The following TMEM196 variants were observed in gnomAD, a reference collection of about 807,000 sequenced individuals.
TMEM196 encodes transmembrane protein 196.
In TMEM196, 17 loss-of-function variants were observed where a neutral mutation model predicts 20.0. The observed-to-expected ratio is 0.85, with a 90% CI of 0.58 to 1.27. The LOEUF is 1.27. Among genes scored for constraint, TMEM196 ranks in the 50% most tolerant of loss-of-function variants. TMEM196 has a pLI of 0.00. For missense variants in TMEM196, 267 were observed against 223.0 expected (o/e 1.20, Z -1.26); for synonymous variants, 113 against 88.9 (o/e 1.27, Z -1.52).
chr7:19,765,358 A>C (rs1304086269), intron 1 of TMEM196, among the ~76,000 whole-genome samples: 1 of 152,186 alleles, frequency 6.6e-6, no homozygotes, highest in African/African-American at 2.4e-5. Context: ...TGGTACTAAT[A>C]AATCATGGAC....
intron 2 of TMEM196, among the ~76,000 whole-genome samples, chr7:19,728,632 C>T (rs775572129): frequency 1.3e-5 from 2 of 152,152 alleles, no homozygotes; most frequent in Non-Finnish European, 2.9e-5. Flanking sequence ...TCCTAGGGTC[C>T]CTGTGTAGTA....
intron 1 of TMEM196, among the ~76,000 whole-genome samples, chr7:19,754,527 C>A (rs558222444): frequency 6.6e-6 from 1 of 152,286 alleles, no homozygotes; most frequent in African/African-American, 2.4e-5. Flanking sequence ...TACAAGTAAT[C>A]TGAAAGCTTG....
chr7:19,752,696 C>T (rs187461732), intron 1 of TMEM196, among the ~76,000 whole-genome samples: 1 of 151,870 alleles, frequency 6.6e-6, no homozygotes, highest in Non-Finnish European at 1.5e-5. Context: ...CTTAGTGCAA[C>T]CTCCGCCTCC....
chr7:19,754,650 G>C (rs1156351531), intron 1 of TMEM196, among the ~76,000 whole-genome samples: 1 of 148,738 alleles, frequency 6.7e-6, no homozygotes, highest in Non-Finnish European at 1.5e-5. Flanking sequence ...TCGTGGCCAT[G>C]AACTATAAGA....
rs182423195 is a variant in TMEM196, at chr7:19,730,946, G to A, written c.148-1508C>T. On this transcript the variant is annotated intron_variant, in intron 1 of 4. Coordinates refer to ENST00000405844, the MANE Select transcript of TMEM196 (RefSeq NM_001363562.2). The stretch of plus-strand genomic sequence containing the variant: ...AATAGAGCTAGAATAATGTGTTAAC[G>A]TTCCCTAACATACACCAAAATTAAT... Among the ~76,000 whole-genome samples the A allele has an allele frequency of 1.7e-3, 253 of 152,160 alleles. 3 individuals are homozygous for A. Among genetic ancestry groups the A allele is most frequent in the African/African-American group, 5.8e-3 (239 of 41,514 alleles).
In TMEM196 at chr7:19,725,788, C is replaced by T. The variant is rs1161435195; in HGVS notation, c.205-20G>A. ...GATCATCTGATAAGAAAAAGAAAGG[C>T]AGCGTTAAAGTTGAAAAGGCAAACC... On this transcript the variant is annotated intron_variant, in intron 2 of 4. Coordinates refer to ENST00000405844, the MANE Select transcript of TMEM196 (RefSeq NM_001363562.2). The T allele has an allele frequency of 2.5e-6, 4 of 1,570,470 alleles. No individual in the cohort carries two copies. In the East Asian group the frequency reaches 6.8e-5, roughly 27 times the overall value.
intron 1 of TMEM196, among the ~76,000 whole-genome samples, chr7:19,757,922 A>G (rs1785280898): frequency 1.3e-5 from 2 of 151,608 alleles, no homozygotes; most frequent in Admixed American, 6.6e-5. Context: ...AAAGGCATTT[A>G]TCTTTTAAAA....
intron 1 of TMEM196, among the ~76,000 whole-genome samples, chr7:19,759,035 T>C (rs561578586): frequency 8.9e-4 from 135 of 152,330 alleles, no homozygotes; most frequent in African/African-American, 1.1e-3. Context: ...ATTATTCACA[T>C]TGGCATGTAA....
chr7:19,750,880 G>A (rs748105059), intron 1 of TMEM196, among the ~76,000 whole-genome samples: 3 of 152,072 alleles, frequency 2.0e-5, no homozygotes, highest in Non-Finnish European at 4.4e-5. Context: ...ATTCCCCAAC[G>A]CTATTTCCTT....
chr7:19,770,470 A>G (rs972472455), intron 1 of TMEM196, among the ~76,000 whole-genome samples: 1 of 152,210 alleles, frequency 6.6e-6, no homozygotes, highest in Non-Finnish European at 1.5e-5. Context: ...TCTGTCACCC[A>G]ATAAACACAA....
At chr7:19,736,402 A>ATATATAT (rs1784410728) in intron 1 of TMEM196, among the ~76,000 whole-genome samples, 9 of 78,328 alleles carry the variant, frequency 1.1e-4, no homozygotes, top group Non-Finnish European at 1.7e-4. Flanking sequence ...TATATATATA[A>ATATATAT]ATTATCTCTG....
intron 1 of TMEM196, among the ~76,000 whole-genome samples, chr7:19,752,908 G>A (rs961596200): frequency 6.6e-6 from 1 of 151,980 alleles, no homozygotes. Context: ...CCACCCGCCC[G>A]GCCTTTTTGT....
At chr7:19,764,008 A>G (rs1037187069) in intron 1 of TMEM196, among the ~76,000 whole-genome samples, 1 of 152,172 alleles carries the variant, frequency 6.6e-6, no homozygotes, top group East Asian at 1.9e-4. Context: ...GTATTATGCC[A>G]ATATCTCCAA....
chr7:19,746,909 T>G (rs1784775199), intron 1 of TMEM196, among the ~76,000 whole-genome samples: 1 of 152,188 alleles, frequency 6.6e-6, no homozygotes. Flanking sequence ...CGTATGAGAT[T>G]TTTTCATTTC....
intron 3 of TMEM196, 79 bp downstream of exon 3, chr7:19,725,435 A>T (rs905228515): frequency 6.1e-6 from 9 of 1,473,202 alleles, no homozygotes; most frequent in African/African-American, 1.4e-5. Context: ...TGTGATCTAA[A>T]GTTTCAAGTT....
At chr7:19,745,168 A>C (rs1282121882) in intron 1 of TMEM196, among the ~76,000 whole-genome samples, 1 of 152,192 alleles carries the variant, frequency 6.6e-6, no homozygotes, top group Non-Finnish European at 1.5e-5. Flanking sequence ...TATAAATGCT[A>C]CTATGTAAAT....
At chr7:19,740,643 T>A (rs1784551207) in intron 1 of TMEM196, among the ~76,000 whole-genome samples, 1 of 152,104 alleles carries the variant, frequency 6.6e-6, no homozygotes, top group Non-Finnish European at 1.5e-5. Context: ...AGAATGTGTA[T>A]TTGGAATGAG....
Position 19,724,369 on chromosome 7 carries a change from C to T in TMEM196, c.460-16G>A. ...CCCTCAATCTCTAATGTAAATATAACAATCATACAATAAATATTGCACAAA... is the reference window on the plus strand; with the variant it reads ...CCCTCAATCTCTAATGTAAATATAATAATCATACAATAAATATTGCACAAA... On this transcript the variant is annotated splice_polypyrimidine_tract_variant and intron_variant, in intron 3 of 4. Coordinates refer to ENST00000405844, the MANE Select transcript of TMEM196 (RefSeq NM_001363562.2). 1.3e-6 allele frequency: 2 copies of T among 1,548,242 alleles called. No individual in the cohort carries two copies. The highest frequency in any genetic ancestry group is 1.7e-6 in the Non-Finnish European group (2 of 1,145,066).
At chr7:19,761,693 G>T (rs1785442870) in intron 1 of TMEM196, among the ~76,000 whole-genome samples, 1 of 152,150 alleles carries the variant, frequency 6.6e-6, no homozygotes, top group Admixed American at 6.5e-5. Flanking sequence ...GGTAGTGACA[G>T]AAACCTTTTC....
Sources: gnomAD v4.1 joint callset for allele counts (sites outside exome capture counted in the v4.1 genomes callset) on GRCh38, gnomAD v4.1.1 for gene constraint, MANE v1.5 for transcripts, NCBI Gene and HGNC (gene_info 2026-07-23, HGNC 2026-07-21) for gene names.